Variants in ANKDD1A observed in about 807,000 individuals in gnomAD.
The protein encoded by ANKDD1A is ankyrin repeat and death domain-containing protein 1A.
ANKDD1A carries 59 observed loss-of-function variants against 63.5 expected under a neutral mutation model. The observed-to-expected ratio is 0.93, with a 90% CI of 0.75 to 1.15. ANKDD1A has a LOEUF of 1.15. Among genes scored for constraint, ANKDD1A ranks in the 50% most tolerant of loss-of-function variants. ANKDD1A has a pLI of 0.00. For missense variants in ANKDD1A, 632 were observed against 656.4 expected (o/e 0.96, Z 0.41); for synonymous variants, 266 against 263.9 (o/e 1.01, Z -0.08).
chr15:64,918,513 C>A (rs1263716237), intron 3 of ANKDD1A, among the ~76,000 whole-genome samples: 1 of 152,170 alleles, frequency 6.6e-6, no homozygotes, highest in Admixed American at 6.5e-5. Context: ...AGCCTGAGCT[C>A]CCTGGTGAAA....
At chr15:64,953,708 C>CT (rs2085356428) in intron 14 of ANKDD1A, among the ~76,000 whole-genome samples, 1 of 14,474 alleles carries the variant, frequency 6.9e-5, no homozygotes, top group African/African-American at 9.6e-5. Context: ...CTTTCTTCTT[C>CT]TCCTTGTTCT....
intron 14 of ANKDD1A, chr15:64,950,726 A>AGGGGGGGG: frequency 1.9e-6 from 1 of 524,132 alleles, no homozygotes; most frequent in Non-Finnish European, 2.1e-6. Context: ...AAAAGAAAGG[A>AGGGGGGGG]CCGCCCCCCC....
intron 14 of ANKDD1A, chr15:64,950,326 A>AT: frequency 1.0e-6 from 1 of 985,418 alleles, no homozygotes; most frequent in Non-Finnish European, 1.2e-6. Context: ...TTTCACAAAC[A>AT]TTAAGACATA....
chr15:64,934,500 C>CTT lies in ANKDD1A; in HGVS notation c.867+282_867+283dup, dbSNP rs546780732. ...GCATTGGGGCTTTTTTTTTTCTTTT[C>CTT]TTTTTTTTTTTTTTTTTGAGACAGA... On this transcript the variant is annotated intron_variant, in intron 9 of 14. Coordinates refer to ENST00000319580, the MANE Select transcript of ANKDD1A (RefSeq NM_182703.6). 1.3e-3 allele frequency among the ~76,000 whole-genome samples: 161 copies of CTT among 125,604 alleles called. 4 individuals carry two copies. The highest frequency in any genetic ancestry group is 4.1e-3 in the African/African-American group (135 of 33,020). 82.4% of individuals were successfully genotyped at this position (125,604 alleles called of 152,430 possible). A position where few individuals can be genotyped will look rare whatever the true frequency, so the allele number is the denominator to read the frequency against.
intron 14 of ANKDD1A, 151 bp from the exon 15 acceptor site, chr15:64,956,952 A>C (rs930471078): frequency 5.8e-6 from 2 of 344,920 alleles, no homozygotes; most frequent in Admixed American, 7.8e-5. Flanking sequence ...TTTACCTACC[A>C]CTAAGTTATA....
chr15:64,915,219 C>T (rs372938907), intron 1 of ANKDD1A, among the ~76,000 whole-genome samples: 9 of 152,234 alleles, frequency 5.9e-5, no homozygotes, highest in East Asian at 1.9e-4. Flanking sequence ...GTGGGAGAAT[C>T]GCTTGAACCT....
chr15:64,952,579 T>TTTCTTCTTCTTCTC (rs2085312962), intron 14 of ANKDD1A, among the ~76,000 whole-genome samples: 1 of 33,122 alleles, frequency 3.0e-5, no homozygotes, highest in Non-Finnish European at 8.0e-5. Context: ...TTCTTCTCCT[T>TTTCTTCTTCTTCTC]CTTTTCTTCT....
chr15:64,921,206 C>A (rs1283887762), intron 3 of ANKDD1A, among the ~76,000 whole-genome samples: 12 of 152,210 alleles, frequency 7.9e-5, no homozygotes, highest in Non-Finnish European at 1.8e-4. Context: ...AACTCCTGGG[C>A]TCAAGTGATT....
At position 64,949,695 on chromosome 15, in the gene ANKDD1A, G is replaced by C. The variant is rs2085253893; in HGVS notation, c.1352-146G>C. On this transcript the variant is annotated intron_variant, in intron 13 of 14. Transcript: ENST00000319580. Reference sequence around the variant, plus strand: ...TATCTCCAGGCTGAGCTTGGCTGGAGCATGGAGAAGGGCCTTGGAGGCTTT... The same window carrying C: ...TATCTCCAGGCTGAGCTTGGCTGGACCATGGAGAAGGGCCTTGGAGGCTTT... 14 of 1,222,464 alleles carry C rather than the reference G, an allele frequency of 1.1e-5. No homozygotes were observed. In the South Asian group the frequency reaches 2.1e-4, roughly 18 times the overall value. The allele number at this position is 1,222,464 out of a possible 1,614,324, so 75.7% of individuals were successfully genotyped here. A position where few individuals can be genotyped will look rare whatever the true frequency, so the allele number is the denominator to read the frequency against.
chr15:64,952,158 TTCA>T (rs1009459324), intron 14 of ANKDD1A, among the ~76,000 whole-genome samples: 16 of 150,540 alleles, frequency 1.1e-4, no homozygotes, highest in East Asian at 2.0e-4. Flanking sequence ...TTCCTCTTTC[TTCA>T]TCTTTTTCTT....
rs1433753318 is a variant in ANKDD1A, at chr15:64,931,559, G to T, written c.742G>T (p.Gly248Trp). The stretch of plus-strand genomic sequence containing the variant: ...CTGTGTGCAGCTCCTCCTCAGGGCT[G>T]GGAGCACCGTGAATGCCCTCACCCA... ...PDCVQLLLRAGSTVNALTQKN... is the reference protein window; with the variant it reads ...PDCVQLLLRAWSTVNALTQKN... The change falls in exon 8 of 15, where the codon GGG becomes TGG. Residue 248 changes from glycine to tryptophan, a missense_variant. Gly to Trp is a radical substitution (Grantham distance 184, BLOSUM62 -2). Transcript: ENST00000319580. 3 of 1,614,038 alleles carry T rather than the reference G, an allele frequency of 1.9e-6. No individual in the cohort carries two copies. The South Asian group carries it at 3.3e-5, about 18-fold the overall frequency.
chr15:64,945,577 G>A (rs2085215481), intron 12 of ANKDD1A, among the ~76,000 whole-genome samples: 1 of 127,892 alleles, frequency 7.8e-6, no homozygotes, highest in African/African-American at 3.0e-5. Context: ...TTGATGGTGT[G>A]TAGGTTAGAG....
intron 6 of ANKDD1A, among the ~76,000 whole-genome samples, chr15:64,930,098 G>T (rs962847916): frequency 6.6e-6 from 1 of 152,206 alleles, no homozygotes; most frequent in African/African-American, 2.4e-5. Context: ...CCTGTTGAAG[G>T]GGGGCAAAGT....
rs114960534 is a variant in ANKDD1A at position 64,942,557 on chromosome 15, G to A, written c.958G>A (p.Val320Met). 316 of 1,612,900 alleles carry A rather than the reference G, an allele frequency of 2.0e-4. No individual in the cohort carries two copies. In the African/African-American group the frequency reaches 3.6e-3, roughly 18 times the overall value. Residue 320 changes from valine to methionine, a missense_variant, in exon 10 of 15, where the codon GTG becomes ATG. Physicochemically the swap from Val to Met is conservative, Grantham distance 21. Coordinates refer to ENST00000319580, the MANE Select transcript of ANKDD1A (RefSeq NM_182703.6). ...CAACTCCGACAGTGACGTGAATGCC[G>A]TGGACAATGTAAGTGGCTACAGAGA... Reference protein sequence around the residue: ...LINSDSDVNAVDNRQQTPLHL... With the variant: ...LINSDSDVNAMDNRQQTPLHL...
chr15:64,929,206 C>G lies in ANKDD1A; in HGVS notation c.571-1616C>G, dbSNP rs1273748328. On this transcript the variant is annotated intron_variant, in intron 6 of 14. Coordinates refer to ENST00000319580, the MANE Select transcript of ANKDD1A (RefSeq NM_182703.6). ...AATTTTTTTTTGAGACAAGATCTTA[C>G]TCTGTTGCCCAGGCTGGAGTGTAGT... Among the ~76,000 whole-genome samples, 5 of 152,262 alleles carry G rather than the reference C, an allele frequency of 3.3e-5. No homozygotes were observed. The East Asian group carries it at 9.6e-4, about 29-fold the overall frequency.
intron 3 of ANKDD1A, among the ~76,000 whole-genome samples, chr15:64,919,191 A>G (rs28667843): frequency 0.43 from 65,556 of 151,854 alleles, 14,799 homozygotes; most frequent in East Asian, 0.7. Flanking sequence ...TGTATCCCGG[A>G]GGTCCCCACT....
intron 9 of ANKDD1A, among the ~76,000 whole-genome samples, chr15:64,939,705 C>T (rs12906935): frequency 0.52 from 78,716 of 152,028 alleles, 21,438 homozygotes; most frequent in East Asian, 0.85. Flanking sequence ...ATACGCCCAG[C>T]TGATTTTTAT....
In ANKDD1A at chr15:64,926,209, C is replaced by T. The variant is rs374819142; in HGVS notation, c.471+39C>T. On this transcript the variant is annotated intron_variant, in intron 5 of 14. Coordinates refer to ENST00000319580, the MANE Select transcript of ANKDD1A (RefSeq NM_182703.6). ...AGGGCTACTCATCATTCCCATTGGG[C>T]GGGGGGCTCCTGGGGCCACTCTTGC... 5.3e-5 allele frequency: 85 copies of T among 1,591,332 alleles called. No homozygotes were observed. In the African/African-American group the frequency reaches 8.1e-4, roughly 15 times the overall value.
intron 14 of ANKDD1A, among the ~76,000 whole-genome samples, chr15:64,951,720 C>CGTTCTTCCTTTTTCTTTTTCTTT (rs1276132353): frequency 0.02 from 2,681 of 136,320 alleles, 71 homozygotes; most frequent in Admixed American, 0.027. Flanking sequence ...TCTTTTTCTT[C>CGTTCTTCCTTTTTCTTTTTCTTT]CCTTTTCTTC....
Sources: gnomAD v4.1 joint callset for allele counts (sites outside exome capture counted in the v4.1 genomes callset) on GRCh38, gnomAD v4.1.1 for gene constraint, MANE v1.5 for transcripts, NCBI Gene and HGNC (gene_info 2026-07-23, HGNC 2026-07-21) for gene names.